Variants in UGT8 observed in about 807,000 individuals in gnomAD.
The protein encoded by UGT8 is UDP glycosyltransferase 8.
Under a neutral mutation model 40.5 loss-of-function variants are expected in UGT8, and 12 were observed. That is an observed-to-expected ratio of 0.30 (90% CI 0.19 to 0.48). The LOEUF (loss-of-function observed/expected upper bound fraction) is 0.48. Among genes scored for constraint, UGT8 ranks in the 20% least tolerant of loss-of-function variants. The probability of loss-of-function intolerance (pLI) is 0.99; values close to 1 mark genes in which losing one functional copy is unlikely to be tolerated. For missense variants in UGT8, 513 were observed against 648.7 expected (o/e 0.79, Z 2.27); for synonymous variants, 224 against 240.4 (o/e 0.93, Z 0.63).
At chr4:114,618,086 GTGTTA>G (rs1216847624) in intron 1 of UGT8, among the ~76,000 whole-genome samples, 1 of 151,592 alleles carries the variant, frequency 6.6e-6, no homozygotes, top group East Asian at 1.9e-4. Flanking sequence ...GATCTTCTTA[GTGTTA>G]TGTTACAAGT....
chr4:114,598,765 G>C (rs936118954), upstream of UGT8: 1 of 152,128 alleles, frequency 6.6e-6, no homozygotes, highest in African/African-American at 2.4e-5. Flanking sequence ...CTGAGGACCC[G>C]AGGGAGGACA....
rs1416571117 is a variant in UGT8, at chr4:114,677,946, A to G, written c.*1658A>G. The G allele has an allele frequency of 1.3e-5, 2 of 152,198 alleles. No homozygotes were observed. Among genetic ancestry groups the G allele is most frequent in the African/African-American group, 4.8e-5 (2 of 41,454 alleles). The allele number at this position is 152,198 out of a possible 1,614,324, so 9.4% of individuals were successfully genotyped here. On this transcript the variant is annotated 3_prime_UTR_variant, in exon 6 of 6. Coordinates refer to ENST00000310836, the MANE Select transcript of UGT8 (RefSeq NM_001128174.3). ...AGTTTTCTAATGTACAATGCAGACA[A>G]ATGTACTGCTCTCTGAATACTTGAA...
At chr4:114,646,826 A>G (rs1235681252) in intron 2 of UGT8, among the ~76,000 whole-genome samples, 5 of 152,204 alleles carry the variant, frequency 3.3e-5, no homozygotes, top group Non-Finnish European at 5.9e-5. Flanking sequence ...CAAATTGTTG[A>G]GGCCACTGCC....
At chr4:114,632,926 G>A (rs1360932940) in intron 2 of UGT8, among the ~76,000 whole-genome samples, 1 of 152,184 alleles carries the variant, frequency 6.6e-6, no homozygotes, top group Non-Finnish European at 1.5e-5. Flanking sequence ...TTTTATCAGT[G>A]AAAAGCAACT....
Position 114,677,238 on chromosome 4 carries a change from A to G in UGT8, c.*950A>G, listed in dbSNP as rs964290313. The G allele has an allele frequency of 2.6e-5, 4 of 152,148 alleles. No homozygotes were observed. 9.4% of individuals were successfully genotyped at this position (152,148 alleles called of 1,614,324 possible). On this transcript the variant is annotated 3_prime_UTR_variant, in exon 6 of 6. Coordinates refer to ENST00000310836, the MANE Select transcript of UGT8 (RefSeq NM_001128174.3). Reference sequence around the variant, plus strand: ...TAACTGATGGCTTTTCTATAATGTAATTTTTGAATGTTCAGGTGTTACATT... The same window carrying G: ...TAACTGATGGCTTTTCTATAATGTAGTTTTTGAATGTTCAGGTGTTACATT...
chr4:114,635,472 ATAATCT>A (rs1488097410), intron 2 of UGT8, among the ~76,000 whole-genome samples: 1 of 152,182 alleles, frequency 6.6e-6, no homozygotes, highest in East Asian at 1.9e-4. Flanking sequence ...TTCTTCAACT[ATAATCT>A]TAAAGAGAAT....
intron 2 of UGT8, among the ~76,000 whole-genome samples, chr4:114,653,697 A>C (rs935439342): frequency 6.6e-5 from 10 of 152,100 alleles, no homozygotes; most frequent in Admixed American, 1.3e-4. Context: ...AAATCAAGAG[A>C]AAACTGGGCT....
intron 1 of UGT8, among the ~76,000 whole-genome samples, chr4:114,609,632 T>G (rs546904471): frequency 6.6e-6 from 1 of 152,150 alleles, no homozygotes; most frequent in African/African-American, 2.4e-5. Context: ...GGGGAGGGAT[T>G]GGATAGAGTG....
At chr4:114,612,939 C>G (rs1731179647) in intron 1 of UGT8, among the ~76,000 whole-genome samples, 15 of 152,126 alleles carry the variant, frequency 9.9e-5, no homozygotes, top group Admixed American at 9.2e-4. Context: ...TTGATCTTAA[C>G]TGCTTTTTAT....
chr4:114,651,520 CCTT>C (rs564612931), intron 2 of UGT8, among the ~76,000 whole-genome samples: 8 of 152,086 alleles, frequency 5.3e-5, no homozygotes, highest in Non-Finnish European at 1.0e-4. Context: ...ACCACTTCTG[CCTT>C]CTTGCTGAAA....
chr4:114,615,572 G>A (rs995299726), intron 1 of UGT8, among the ~76,000 whole-genome samples: 1 of 152,162 alleles, frequency 6.6e-6, no homozygotes. Flanking sequence ...AGCAGGCAGG[G>A]CTGGTGTTAT....
At chr4:114,644,672 T>C (rs1733444121) in intron 2 of UGT8, among the ~76,000 whole-genome samples, 1 of 152,182 alleles carries the variant, frequency 6.6e-6, no homozygotes, top group African/African-American at 2.4e-5. Context: ...TTGTGATCTA[T>C]GCCTTTCAAG....
At chr4:114,644,259 A>G (rs1365351293) in intron 2 of UGT8, among the ~76,000 whole-genome samples, 2 of 152,188 alleles carry the variant, frequency 1.3e-5, no homozygotes, top group Non-Finnish European at 2.9e-5. Context: ...GCTATAATTA[A>G]TTATAGCAGA....
intron 2 of UGT8, among the ~76,000 whole-genome samples, chr4:114,637,804 T>C (rs1253272971): frequency 1.3e-5 from 2 of 152,256 alleles, no homozygotes; most frequent in Non-Finnish European, 2.9e-5. Flanking sequence ...AAGTACATTT[T>C]TGAGGCAGGC....
intron 4 of UGT8, among the ~76,000 whole-genome samples, chr4:114,666,189 A>T (rs1359094590): frequency 1.3e-5 from 2 of 152,156 alleles, no homozygotes; most frequent in African/African-American, 4.8e-5. Flanking sequence ...GAAGTTATTC[A>T]TTTGTCTGAA....
At chr4:114,621,292 G>C (rs191834329) in intron 1 of UGT8, among the ~76,000 whole-genome samples, 1 of 152,240 alleles carries the variant, frequency 6.6e-6, no homozygotes, top group East Asian at 1.9e-4. Context: ...AGTATTTACT[G>C]AGATCCATTA....
intron 2 of UGT8, among the ~76,000 whole-genome samples, chr4:114,631,345 G>GT (rs1398008532): frequency 6.6e-6 from 1 of 152,064 alleles, no homozygotes; most frequent in Non-Finnish European, 1.5e-5. Flanking sequence ...TTAGCAGGGC[G>GT]TTGTTGTGGT....
At chr4:114,635,591 T>C (rs1429181180) in intron 2 of UGT8, among the ~76,000 whole-genome samples, 3 of 152,190 alleles carry the variant, frequency 2.0e-5, no homozygotes, top group African/African-American at 7.2e-5. Context: ...TTGTAAAATA[T>C]TTATTTAGAA....
chr4:114,646,535 G>A (rs1303031844), intron 2 of UGT8, among the ~76,000 whole-genome samples: 3 of 152,082 alleles, frequency 2.0e-5, no homozygotes, highest in African/African-American at 7.2e-5. Flanking sequence ...TCCAAAAGTA[G>A]CATTTCACTA....
Sources: allele counts gnomAD v4.1 joint callset (sites outside exome capture counted in the v4.1 genomes callset), GRCh38; gene constraint gnomAD v4.1.1; transcripts MANE v1.5; gene names NCBI Gene and HGNC (gene_info 2026-07-23, HGNC 2026-07-21).